Variants in WDFY3 observed in about 807,000 individuals in gnomAD.
The protein encoded by WDFY3 is WD repeat and FYVE domain-containing protein 3.
WDFY3 carries 66 observed loss-of-function variants against 409.6 expected under a neutral mutation model. The observed-to-expected ratio is 0.16, with a 90% CI of 0.13 to 0.20. The LOEUF is 0.20. Among genes scored for constraint, WDFY3 ranks in the 10% least tolerant of loss-of-function variants. The probability of loss-of-function intolerance (pLI) is 1.00; values close to 1 mark genes in which losing one functional copy is unlikely to be tolerated. For missense variants in WDFY3, 3,031 were observed against 4,298.1 expected (o/e 0.71, Z 8.24); for synonymous variants, 1,521 against 1,537.1 (o/e 0.99, Z 0.25).
Position 84,683,937 on chromosome 4 carries a change from A to T in WDFY3, c.9726+6T>A. 6.3e-7 allele frequency: 1 copy of T among 1,575,308 alleles called. No homozygotes were observed. The highest frequency in any genetic ancestry group is 8.7e-7 in the Non-Finnish European group (1 of 1,152,200). ...TCCTAATGAGTTTTTCTCTCAGTTC[A>T]CTTACCCGAACCACTCCATCTGAGT... On this transcript the variant is annotated splice_donor_region_variant and intron_variant, in intron 63 of 67. Transcript: ENST00000295888.
chr4:84,912,708 C>G (rs1767953020), intron 2 of WDFY3, among the ~76,000 whole-genome samples: 1 of 151,834 alleles, frequency 6.6e-6, no homozygotes, highest in Non-Finnish European at 1.5e-5. Flanking sequence ...AGTACATCTG[C>G]CCAGGTTTTT....
At chr4:84,774,321 T>C (rs1180271915) in intron 29 of WDFY3, among the ~76,000 whole-genome samples, 2 of 152,252 alleles carry the variant, frequency 1.3e-5, no homozygotes, top group Non-Finnish European at 2.9e-5. Context: ...GCCTTCAATA[T>C]GCCTTAAACC....
rs1197148056 is a variant in WDFY3 at position 84,778,226 on chromosome 4, T to C, written c.4518+277A>G. Among the ~76,000 whole-genome samples, 3 of 152,206 alleles carry C rather than the reference T, an allele frequency of 2.0e-5. No homozygotes were observed. In the East Asian group the frequency reaches 5.8e-4, roughly 29 times the overall value. Reference sequence around the variant, plus strand: ...CTATCAGAATTGCCTGATGAAACTATGTTTGACTCATGTAATGCCACTGCC... The same window carrying C: ...CTATCAGAATTGCCTGATGAAACTACGTTTGACTCATGTAATGCCACTGCC... On this transcript the variant is annotated intron_variant, in intron 27 of 67. Transcript: ENST00000295888.
chr4:84,738,980 T>A, intron 40 of WDFY3, 30 bp downstream of exon 40: 1 of 1,610,044 alleles, frequency 6.2e-7, no homozygotes, highest in Non-Finnish European at 8.5e-7. Context: ...ACAACCACAA[T>A]TTAAAAACAT....
At chr4:84,799,338 A>ATAT (rs1383117614) in intron 17 of WDFY3, among the ~76,000 whole-genome samples, 8 of 142,824 alleles carry the variant, frequency 5.6e-5, no homozygotes, top group South Asian at 4.4e-4. Flanking sequence ...ATATATATAT[A>ATAT]TTTTTTTTTT....
In WDFY3 at chr4:84,845,733, A is replaced by T. The variant is rs11930713; in HGVS notation, c.304+4169T>A. Among the ~76,000 whole-genome samples the T allele has an allele frequency of 9.6e-3, 1,456 of 152,230 alleles. 22 individuals are homozygous for T. Among genetic ancestry groups the T allele is most frequent in the African/African-American group, 0.033 (1,368 of 41,550 alleles). On this transcript the variant is annotated intron_variant, in intron 5 of 67. Coordinates refer to ENST00000295888, the MANE Select transcript of WDFY3 (RefSeq NM_014991.6). ...CTCCATGAATGTATTTTTGATAACA[A>T]CACTGACCAAAAGAATCTTCCAATG...
At chr4:84,844,721 T>G (rs1238365139) in intron 5 of WDFY3, among the ~76,000 whole-genome samples, 1 of 152,204 alleles carries the variant, frequency 6.6e-6, no homozygotes, top group African/African-American at 2.4e-5. Context: ...CAGGTAGGAA[T>G]TTTCTGCTTT....
intron 10 of WDFY3, among the ~76,000 whole-genome samples, chr4:84,822,400 T>C (rs1754202372): frequency 6.6e-6 from 1 of 151,990 alleles, no homozygotes; most frequent in African/African-American, 2.4e-5. Flanking sequence ...AATTAGTAAA[T>C]GGAGCAGAAA....
At chr4:84,711,535 T>G (rs1732890555) in intron 51 of WDFY3, among the ~76,000 whole-genome samples, 1 of 152,050 alleles carries the variant, frequency 6.6e-6, no homozygotes, top group Non-Finnish European at 1.5e-5. Flanking sequence ...CAGAAAACAT[T>G]TTATAAAATC....
intron 2 of WDFY3, among the ~76,000 whole-genome samples, chr4:84,931,609 T>G (rs1013106094): frequency 6.6e-6 from 1 of 152,178 alleles, no homozygotes; most frequent in Non-Finnish European, 1.5e-5. Flanking sequence ...TGCATTTCTG[T>G]TCTTGGATCC....
chr4:84,964,028 C>G (rs1775281649), intron 1 of WDFY3, among the ~76,000 whole-genome samples: 1 of 152,102 alleles, frequency 6.6e-6, no homozygotes, highest in East Asian at 1.9e-4. Flanking sequence ...AATTTTATAT[C>G]TAGAAGTTCA....
rs1442398568 is a variant in WDFY3 at position 84,672,983 on chromosome 4, C to T, written c.10466G>A (p.Arg3489His). 5 of 1,613,962 alleles carry T rather than the reference C, an allele frequency of 3.1e-6. No homozygotes were observed. Among genetic ancestry groups the T allele is most frequent in the Non-Finnish European group, 3.4e-6 (4 of 1,179,914 alleles). Reference sequence around the variant, plus strand: ...CAAGCGTTTGATTTCAGATTGAAAGCGACTGCACCTAAAGGAAAGGAAAAG... The same window carrying T: ...CAAGCGTTTGATTTCAGATTGAAAGTGACTGCACCTAAAGGAAAGGAAAAG... ...CGQLFCQKCSRFQSEIKRLKI... is the reference protein window; with the variant it reads ...CGQLFCQKCSHFQSEIKRLKI... Residue 3489 changes from arginine to histidine, a missense_variant, in exon 68 of 68, where the codon CGC (arginine) becomes CAC (histidine). Arg to His is a conservative substitution (Grantham distance 29). This residue lies in a region of WDFY3 where 378 missense variants were observed against 477.3 expected (regional missense o/e 0.79). Coordinates refer to ENST00000295888, the MANE Select transcript of WDFY3 (RefSeq NM_014991.6).
At chr4:84,805,940 C>G (rs1751429992) in intron 15 of WDFY3, among the ~76,000 whole-genome samples, 1 of 152,078 alleles carries the variant, frequency 6.6e-6, no homozygotes, top group South Asian at 2.1e-4. Flanking sequence ...TTTTAGTTTT[C>G]CAAATATAAA....
At chr4:84,725,761 A>G (rs1286821284) in intron 45 of WDFY3, among the ~76,000 whole-genome samples, 1 of 152,182 alleles carries the variant, frequency 6.6e-6, no homozygotes, top group African/African-American at 2.4e-5. Context: ...TTTTCAAGCA[A>G]CATTTTTTTT....
intron 1 of WDFY3, among the ~76,000 whole-genome samples, chr4:84,957,258 CAAAAAAAAAA>C (rs149018066): frequency 1.7e-5 from 1 of 59,368 alleles, no homozygotes; most frequent in Admixed American, 1.8e-4. Context: ...TTTCATATAC[CAAAAAAAAAA>C]AAAAAAACAA....
At chr4:84,960,324 G>C (rs550828037) in intron 1 of WDFY3, among the ~76,000 whole-genome samples, 2 of 152,174 alleles carry the variant, frequency 1.3e-5, no homozygotes, top group South Asian at 2.1e-4. Flanking sequence ...TTTGAAGTCT[G>C]AGTTCCATGC....
At chr4:84,859,068 G>A (rs769093006) in intron 4 of WDFY3, among the ~76,000 whole-genome samples, 2 of 151,920 alleles carry the variant, frequency 1.3e-5, no homozygotes, top group Non-Finnish European at 2.9e-5. Context: ...AGAAGATGTG[G>A]GAGGGACAGA....
At chr4:84,928,096 A>ACTC (rs1770243814) in intron 2 of WDFY3, among the ~76,000 whole-genome samples, 1 of 152,208 alleles carries the variant, frequency 6.6e-6, no homozygotes, top group Non-Finnish European at 1.5e-5. Context: ...GGGCACTGTC[A>ACTC]AATCAGCTGG....
At chr4:84,914,889 C>T (rs1198174820) in intron 2 of WDFY3, among the ~76,000 whole-genome samples, 1 of 152,110 alleles carries the variant, frequency 6.6e-6, no homozygotes, top group African/African-American at 2.4e-5. Flanking sequence ...ATGTTCTTAT[C>T]AGCAATTTTC....
Sources: gnomAD v4.1 joint callset for allele counts (sites outside exome capture counted in the v4.1 genomes callset) on GRCh38, gnomAD v4.1.1 for gene constraint, gnomAD v4.1.1 regional missense constraint, MANE v1.5 for transcripts, NCBI Gene and HGNC (gene_info 2026-07-23, HGNC 2026-07-21) for gene names.